Variants in ZRANB3 observed in about 807,000 individuals in gnomAD.
ZRANB3 encodes DNA annealing helicase and endonuclease ZRANB3.
Under a neutral mutation model 133.8 loss-of-function variants are expected in ZRANB3, and 125 were observed. The observed-to-expected ratio is 0.93, with a 90% CI of 0.81 to 1.08. ZRANB3 has a LOEUF of 1.08. Among genes scored for constraint, ZRANB3 ranks in the 50% least tolerant of loss-of-function variants. The pLI is 0.00. For missense variants in ZRANB3, 1,229 were observed against 1,275.5 expected (o/e 0.96, Z 0.56); for synonymous variants, 387 against 432.7 (o/e 0.89, Z 1.31).
chr2:135,272,817 G>A (rs1680596431), intron 9 of ZRANB3, among the ~76,000 whole-genome samples: 1 of 152,064 alleles, frequency 6.6e-6, no homozygotes, highest in Non-Finnish European at 1.5e-5. Flanking sequence ...GTGTTAAACC[G>A]AACATTGTTG....
chr2:135,221,300 T>C (rs1694545360), intron 15 of ZRANB3, among the ~76,000 whole-genome samples: 1 of 152,140 alleles, frequency 6.6e-6, no homozygotes, highest in South Asian at 2.1e-4. Flanking sequence ...TAAAGGGACA[T>C]GTAAGTATTT....
intron 2 of ZRANB3, among the ~76,000 whole-genome samples, chr2:135,453,711 T>C (rs1011260907): frequency 6.6e-6 from 1 of 152,212 alleles, no homozygotes; most frequent in African/African-American, 2.4e-5. Flanking sequence ...CTGGATCTTA[T>C]TGTTCATATA....
intron 1 of ZRANB3, among the ~76,000 whole-genome samples, chr2:135,505,500 G>A (rs1475240556): frequency 6.6e-6 from 1 of 152,018 alleles, no homozygotes; most frequent in Non-Finnish European, 1.5e-5. Context: ...TTTGAACCCA[G>A]GAGGCAGAGG....
chr2:135,237,944 AAAAAC>A (rs1695374003), intron 12 of ZRANB3, among the ~76,000 whole-genome samples: 1 of 151,930 alleles, frequency 6.6e-6, no homozygotes, highest in East Asian at 1.9e-4. Context: ...ACTAAAAACA[AAAAAC>A]AAAAAACAAA....
At chr2:135,237,514 C>T (rs1695347270) in intron 12 of ZRANB3, among the ~76,000 whole-genome samples, 1 of 151,194 alleles carries the variant, frequency 6.6e-6, no homozygotes, top group Non-Finnish European at 1.5e-5. Flanking sequence ...CGGCATTATT[C>T]ACAATAGCAA....
intron 2 of ZRANB3, among the ~76,000 whole-genome samples, chr2:135,450,787 A>G (rs903019471): frequency 3.3e-5 from 5 of 152,188 alleles, no homozygotes; most frequent in African/African-American, 1.2e-4. Flanking sequence ...GGGGACCCAG[A>G]TGGAGCCTCA....
Position 135,353,575 on chromosome 2 carries a change from C to A in ZRANB3, c.234G>T (p.Glu78Asp). Residue 78 changes from glutamate to aspartate, a missense_variant, in exon 4 of 21, where the codon GAG becomes GAT. By Grantham distance (45) the Glu-to-Asp change is conservative. Coordinates refer to ENST00000264159, the MANE Select transcript of ZRANB3 (RefSeq NM_032143.4). ...QAIGITYFYK[E>D]EWPLLIVVPS... is the part of the protein sequence containing the mutation. ...GGACCACTATTAACAGAGGCCATTC[C>A]TCTTTATAGAAGTAAGTAATTCCAA... The A allele has an allele frequency of 1.2e-6, 2 of 1,604,608 alleles. No homozygotes were observed. Among genetic ancestry groups the A allele is most frequent in the Non-Finnish European group, 1.7e-6 (2 of 1,174,580 alleles).
chr2:135,469,740 C>A (rs1475385350), intron 2 of ZRANB3, among the ~76,000 whole-genome samples: 1 of 152,144 alleles, frequency 6.6e-6, no homozygotes, highest in Non-Finnish European at 1.5e-5. Context: ...GGGCCGGGCA[C>A]GGTGGCTCAC....
At chr2:135,313,371 G>T in intron 8 of ZRANB3, 118 bp downstream of exon 8, 35 of 510,850 alleles carry the variant, frequency 6.9e-5, no homozygotes, top group Non-Finnish European at 9.8e-5. Context: ...AAAAAAAAAA[G>T]AGTTAAACAA....
intron 3 of ZRANB3, among the ~76,000 whole-genome samples, chr2:135,371,892 C>T (rs150712733): frequency 6.6e-6 from 1 of 152,196 alleles, no homozygotes; most frequent in East Asian, 1.9e-4. Context: ...AAAGAGACTT[C>T]AGCCCACGCA....
At chr2:135,273,756 C>G (rs1680651469) in intron 9 of ZRANB3, among the ~76,000 whole-genome samples, 1 of 152,048 alleles carries the variant, frequency 6.6e-6, no homozygotes, top group Admixed American at 6.5e-5. Context: ...AGGCTGGTCT[C>G]GAACTCCCGA....
chr2:135,397,916 T>C (rs533158388), intron 2 of ZRANB3, among the ~76,000 whole-genome samples: 3 of 152,324 alleles, frequency 2.0e-5, no homozygotes, highest in East Asian at 3.9e-4. Flanking sequence ...CTTAGGGTCA[T>C]TGTCTGCATA....
chr2:135,267,455 C>CT lies in ZRANB3; in HGVS notation c.1386+1506dup, dbSNP rs1232651048. 3.3e-5 allele frequency among the ~76,000 whole-genome samples: 5 copies of CT among 151,620 alleles called. No homozygotes were observed. The South Asian group carries it at 1.0e-3, about 32-fold the overall frequency. On this transcript the variant is annotated intron_variant, in intron 11 of 20. Coordinates refer to ENST00000264159, the MANE Select transcript of ZRANB3 (RefSeq NM_032143.4). ...CCCTCATGACCCAATCATTTTTTTTCTTTTTTTTAGAAGAGGGTGGGAAAG... is the reference window on the plus strand; with the variant it reads ...CCCTCATGACCCAATCATTTTTTTTCTTTTTTTTTAGAAGAGGGTGGGAAAG...
chr2:135,313,953 C>T (rs963881162), intron 7 of ZRANB3, among the ~76,000 whole-genome samples: 2 of 152,184 alleles, frequency 1.3e-5, no homozygotes, highest in East Asian at 3.9e-4. Flanking sequence ...CAACCTCCGC[C>T]TCCCGGGTTC....
At chr2:135,295,875 T>A (rs1456243020) in intron 8 of ZRANB3, among the ~76,000 whole-genome samples, 1 of 152,214 alleles carries the variant, frequency 6.6e-6, no homozygotes. Context: ...GGGTTGAAAA[T>A]TCTTTTCTTT....
At chr2:135,402,451 C>G (rs988335392) in intron 2 of ZRANB3, among the ~76,000 whole-genome samples, 1 of 151,888 alleles carries the variant, frequency 6.6e-6, no homozygotes, top group Non-Finnish European at 1.5e-5. Context: ...CCCACCACCA[C>G]GTCCGGCTAA....
At chr2:135,385,158 T>C (rs1686907317) in intron 3 of ZRANB3, among the ~76,000 whole-genome samples, 1 of 152,094 alleles carries the variant, frequency 6.6e-6, no homozygotes, top group Non-Finnish European at 1.5e-5. Context: ...GAATACAAAA[T>C]CAATGTGCAA....
chr2:135,494,925 TTAAAG>T (rs1375631913), intron 2 of ZRANB3, among the ~76,000 whole-genome samples: 1 of 152,172 alleles, frequency 6.6e-6, no homozygotes, highest in East Asian at 1.9e-4. Flanking sequence ...ACAAAATATA[TTAAAG>T]TATTGTATAA....
rs113314050 is a variant in ZRANB3 at position 135,408,412 on chromosome 2, C to G, written c.162-17592G>C. 3.1e-3 allele frequency among the ~76,000 whole-genome samples: 467 copies of G among 152,202 alleles called. 4 individuals are homozygous for G. The highest frequency in any genetic ancestry group is 0.01 in the African/African-American group (424 of 41,508). ...CTAGTTCAGCCATTGTGGAAATCAGCGTGGCGATTCCTAAGGGATCTACAA... is the reference window on the plus strand; with the variant it reads ...CTAGTTCAGCCATTGTGGAAATCAGGGTGGCGATTCCTAAGGGATCTACAA... On this transcript the variant is annotated intron_variant, in intron 2 of 20. Coordinates refer to ENST00000264159, the MANE Select transcript of ZRANB3 (RefSeq NM_032143.4).
Sources: gnomAD v4.1 joint callset for allele counts (sites outside exome capture counted in the v4.1 genomes callset) on GRCh38, gnomAD v4.1.1 for gene constraint, MANE v1.5 for transcripts, NCBI Gene and HGNC (gene_info 2026-07-23, HGNC 2026-07-21) for gene names.